The following HCN1 variants were observed in gnomAD, a reference collection of about 807,000 sequenced individuals.
HCN1 encodes the protein potassium/sodium hyperpolarization-activated cyclic nucleotide-gated channel 1.
A neutral mutation model predicts 78.9 loss-of-function variants in HCN1; 13 were observed. The observed-to-expected ratio is 0.16, with a 90% CI of 0.11 to 0.26. HCN1 has a LOEUF of 0.26. Among genes scored for constraint, HCN1 ranks in the 10% least tolerant of loss-of-function variants. HCN1 has a pLI of 1.00. For synonymous variants in HCN1, 552 were observed against 455.5 expected (o/e 1.21, Z -2.70); for missense variants, 810 against 1,154.3 (o/e 0.70, Z 4.32).
At chr5:45,340,072 C>T (rs1746543634) in intron 5 of HCN1, among the ~76,000 whole-genome samples, 1 of 152,022 alleles carries the variant, frequency 6.6e-6, no homozygotes, top group South Asian at 2.1e-4. Context: ...GTGCCCACCA[C>T]CACTCCCAGC....
At position 45,528,011 on chromosome 5, in the gene HCN1, A is replaced by C. The variant is rs148892762; in HGVS notation, c.850-66004T>G. Among the ~76,000 whole-genome samples, 743 of 151,808 alleles carry C rather than the reference A, an allele frequency of 4.9e-3. 2 individuals carry two copies. Among genetic ancestry groups the C allele is most frequent in the African/African-American group, 0.017 (707 of 41,480 alleles). ...TATTAAATTAAAAATAAAATCAATA[A>C]GTTTGCTTTAGTTCCATTTATTTAT... On this transcript the variant is annotated intron_variant, in intron 2 of 7. Coordinates refer to ENST00000303230, the MANE Select transcript of HCN1 (RefSeq NM_021072.4).
At chr5:45,571,817 G>A (rs555461929) in intron 2 of HCN1, among the ~76,000 whole-genome samples, 1 of 152,246 alleles carries the variant, frequency 6.6e-6, no homozygotes, top group South Asian at 2.1e-4. Flanking sequence ...GGGAGGCTGA[G>A]GCAGGAGAAT....
At chr5:45,332,384 G>A (rs958406503) in intron 5 of HCN1, among the ~76,000 whole-genome samples, 4 of 150,550 alleles carry the variant, frequency 2.7e-5, no homozygotes, top group Non-Finnish European at 4.4e-5. Context: ...TGAAGTTATT[G>A]TTCACTATAG....
At chr5:45,300,867 A>G (rs1371137323) in intron 6 of HCN1, among the ~76,000 whole-genome samples, 1 of 152,112 alleles carries the variant, frequency 6.6e-6, no homozygotes. Flanking sequence ...CTTTTTTCTT[A>G]GAATAACCCA....
At chr5:45,615,154 G>A (rs760715105) in intron 2 of HCN1, among the ~76,000 whole-genome samples, 2 of 151,940 alleles carry the variant, frequency 1.3e-5, no homozygotes, top group Non-Finnish European at 2.9e-5. Context: ...AAATAACAAT[G>A]AGTAGTCAAG....
At chr5:45,502,294 C>G (rs1742206901) in intron 2 of HCN1, among the ~76,000 whole-genome samples, 1 of 151,002 alleles carries the variant, frequency 6.6e-6, no homozygotes, top group African/African-American at 2.4e-5. Flanking sequence ...ATGGTGAAAC[C>G]CCATCTCTAC....
At chr5:45,369,694 C>T (rs1747313350) in intron 4 of HCN1, among the ~76,000 whole-genome samples, 1 of 152,006 alleles carries the variant, frequency 6.6e-6, no homozygotes, top group Non-Finnish European at 1.5e-5. Flanking sequence ...GAACATTTGA[C>T]AAGTGACATT....
intron 2 of HCN1, among the ~76,000 whole-genome samples, chr5:45,490,323 C>T (rs529570212): frequency 1.3e-5 from 2 of 152,228 alleles, no homozygotes; most frequent in African/African-American, 4.8e-5. Flanking sequence ...CTGATAGATT[C>T]GCTATAAATT....
At chr5:45,497,336 T>C (rs1205401659) in intron 2 of HCN1, among the ~76,000 whole-genome samples, 2 of 152,208 alleles carry the variant, frequency 1.3e-5, no homozygotes, top group Non-Finnish European at 2.9e-5. Flanking sequence ...TGTGGGAGTC[T>C]AAGATTCTTT....
rs1339366796 is a variant in HCN1 at position 45,256,125 on chromosome 5, C to A, written c.*5796G>T. ...GTGGCTCAGGCCTGTAATCCTAGCA[C>A]TTCTGGAGGGTGAGGCGGGCGGATC... is the stretch of plus-strand genomic sequence containing the variant. On this transcript the variant is annotated 3_prime_UTR_variant, in exon 8 of 8. Coordinates refer to ENST00000303230, the MANE Select transcript of HCN1 (RefSeq NM_021072.4). The A allele has an allele frequency of 2.6e-5, 4 of 152,110 alleles. No homozygotes were observed. The highest frequency in any genetic ancestry group is 5.9e-5 in the Non-Finnish European group (4 of 68,038). 9.4% of individuals were successfully genotyped at this position (152,110 alleles called of 1,614,324 possible).
chr5:45,604,719 T>G (rs1744693331), intron 2 of HCN1, among the ~76,000 whole-genome samples: 1 of 151,930 alleles, frequency 6.6e-6, no homozygotes, highest in Non-Finnish European at 1.5e-5. Context: ...AGATAAGACA[T>G]GTACAGATAA....
At chr5:45,476,824 T>C (rs1157178929) in intron 2 of HCN1, among the ~76,000 whole-genome samples, 1 of 152,168 alleles carries the variant, frequency 6.6e-6, no homozygotes, top group Non-Finnish European at 1.5e-5. Flanking sequence ...TCTGCACGAG[T>C]ACTTAATGCA....
At chr5:45,494,069 ATG>A (rs1373224265) in intron 2 of HCN1, among the ~76,000 whole-genome samples, 8 of 152,194 alleles carry the variant, frequency 5.3e-5, no homozygotes, top group African/African-American at 1.9e-4. Flanking sequence ...ATACGTGTGC[ATG>A]TGTCTTTATA....
chr5:45,281,579 C>CTTTTTTTTT (rs751307473), intron 6 of HCN1, among the ~76,000 whole-genome samples: 9 of 81,676 alleles, frequency 1.1e-4, no homozygotes, highest in African/African-American at 1.5e-4. Context: ...CTCTTCTCTT[C>CTTTTTTTTT]TTTTTTTTTT....
intron 5 of HCN1, among the ~76,000 whole-genome samples, chr5:45,340,270 T>A (rs763049303): frequency 1.3e-5 from 2 of 152,188 alleles, no homozygotes; most frequent in Non-Finnish European, 2.9e-5. Flanking sequence ...TCTTGTTATC[T>A]TCATTATATA....
intron 2 of HCN1, among the ~76,000 whole-genome samples, chr5:45,623,035 A>G (rs922356747): frequency 6.6e-6 from 1 of 151,168 alleles, no homozygotes; most frequent in Non-Finnish European, 1.5e-5. Context: ...ATCACTCAAA[A>G]CTCCACCAGC....
chr5:45,340,527 C>T (rs531561771), intron 5 of HCN1, among the ~76,000 whole-genome samples: 1 of 152,172 alleles, frequency 6.6e-6, no homozygotes, highest in Non-Finnish European at 1.5e-5. Flanking sequence ...TTGCTATGAT[C>T]TGTCTCACTC....
At chr5:45,565,928 T>G (rs1055722806) in intron 2 of HCN1, among the ~76,000 whole-genome samples, 3 of 152,206 alleles carry the variant, frequency 2.0e-5, no homozygotes, top group Non-Finnish European at 1.5e-5. Context: ...TTGAAGAGTA[T>G]CCTCATTTTG....
intron 3 of HCN1, among the ~76,000 whole-genome samples, chr5:45,436,375 G>A (rs1301297836): frequency 6.6e-6 from 1 of 152,150 alleles, no homozygotes; most frequent in African/African-American, 2.4e-5. Context: ...GCAGGGGGGA[G>A]GTTCTGCATT....
Sources: allele counts gnomAD v4.1 joint callset (sites outside exome capture counted in the v4.1 genomes callset), GRCh38; gene constraint gnomAD v4.1.1; transcripts MANE v1.5; gene names NCBI Gene and HGNC (gene_info 2026-07-23, HGNC 2026-07-21).